COL28A1: variants seen among roughly 807,000 people sequenced by gnomAD.
The protein encoded by COL28A1 is collagen alpha-1(XXVIII) chain.
In COL28A1, 161 loss-of-function variants were observed where a neutral mutation model predicts 150.2. That is an observed-to-expected ratio of 1.07 (90% CI 0.94 to 1.22). The LOEUF is 1.22. Ranked by LOEUF, COL28A1 falls within the 50% of genes most tolerant of loss-of-function variation. COL28A1 has a pLI of 0.00. For missense variants in COL28A1, 1,617 were observed against 1,388.3 expected (o/e 1.16, Z -2.62); for synonymous variants, 552 against 469.7 (o/e 1.18, Z -2.26).
rs139415786 is a variant in COL28A1 at position 7,380,767 on chromosome 7, T to C, written c.2286+15A>G. 226 of 1,613,226 alleles carry C rather than the reference T, an allele frequency of 1.4e-4. 1 individual carries two copies. In the East Asian group the frequency reaches 4.9e-3, roughly 35 times the overall value. On this transcript the variant is annotated intron_variant, in intron 29 of 34. Coordinates refer to ENST00000399429, the MANE Select transcript of COL28A1 (RefSeq NM_001037763.3). ...TAGAGTATAAAATCACAGTGAGACA[T>C]TAAAAACTACTTGCCTGTTTTCCTG...
chr7:7,523,135 C>G (rs1275839436), intron 4 of COL28A1, among the ~76,000 whole-genome samples: 2 of 150,098 alleles, frequency 1.3e-5, no homozygotes, highest in African/African-American at 4.9e-5. Flanking sequence ...CATAGATAAG[C>G]TAGCAAGGGT....
upstream of COL28A1, among the ~76,000 whole-genome samples, chr7:7,536,053 T>A (rs1335348480): frequency 6.6e-6 from 1 of 152,198 alleles, no homozygotes; most frequent in Non-Finnish European, 1.5e-5. Context: ...TTGAGAGAAC[T>A]TTCTACATTT....
chr7:7,358,661 T>A lies in COL28A1; in HGVS notation c.3350A>T (p.Glu1117Val). The change falls in exon 35 of 35, where the codon GAA becomes GTA. Residue 1117 changes from glutamate to valine, a missense_variant. By Grantham distance (121) the Glu-to-Val change is moderately radical (BLOSUM62 -2). Transcript: ENST00000399429. ...TCCTTGAATGCAGGTTTCTTGACATTCCTTTTCACTGTTGAATCTATTTCC... is the reference window on the plus strand; with the variant it reads ...TCCTTGAATGCAGGTTTCTTGACATACCTTTTCACTGTTGAATCTATTTCC... ...GSGNRFNSEK[E>V]CQETCIQG 1 of 1,614,002 alleles carries A rather than the reference T, an allele frequency of 6.2e-7. No individual in the cohort carries two copies. The highest frequency in any genetic ancestry group is 8.5e-7 in the Non-Finnish European group (1 of 1,179,944).
At chr7:7,506,099 T>C (rs376812924) in intron 10 of COL28A1, 32 bp from the exon 11 acceptor site, 17 of 1,092,512 alleles carry the variant, frequency 1.6e-5, no homozygotes, top group East Asian at 2.3e-5. Flanking sequence ...GAATTAGTTC[T>C]GTGTACAAAA....
chr7:7,519,335 T>A (rs2115187068), intron 6 of COL28A1, among the ~76,000 whole-genome samples: 1 of 152,302 alleles, frequency 6.6e-6, no homozygotes, highest in African/African-American at 2.4e-5. Context: ...CACCAGTCTC[T>A]CCCACCACAT....
chr7:7,460,292 TCTGATTTTAAC>T (rs1421371651), intron 15 of COL28A1, among the ~76,000 whole-genome samples: 3 of 152,214 alleles, frequency 2.0e-5, no homozygotes, highest in Non-Finnish European at 4.4e-5. Flanking sequence ...AAATGAGTTT[TCTGATTTTAAC>T]CTGATTTTAA....
At chr7:7,486,302 C>A (rs77630424) in intron 13 of COL28A1, among the ~76,000 whole-genome samples, 1 of 151,998 alleles carries the variant, frequency 6.6e-6, no homozygotes, top group African/African-American at 2.4e-5. Flanking sequence ...TACCCTGTGA[C>A]CTTGCTGAAC....
chr7:7,488,924 C>T (rs1258436114), intron 13 of COL28A1, among the ~76,000 whole-genome samples: 1 of 152,116 alleles, frequency 6.6e-6, no homozygotes, highest in African/African-American at 2.4e-5. Flanking sequence ...TACACATATA[C>T]ATATATACAT....
Position 7,381,566 on chromosome 7 carries a change from C to T in COL28A1, c.2183G>A (p.Gly728Asp), listed in dbSNP as rs1353771596. ...TACCTTCTGGCCTGGGAGGCCATGG[C>T]CCATTGTGCCCTTTGGGCCTGGGAA... Reference protein sequence around the residue: ...QGFPGPKGTMGHGLPGQKGEH... With the variant: ...QGFPGPKGTMDHGLPGQKGEH... Residue 728 changes from glycine (G) to aspartate (D), a missense_variant, in exon 28 of 35, where the codon GGC (glycine) becomes GAC (aspartate). By Grantham distance (94) the Gly-to-Asp change is moderately conservative. Coordinates refer to ENST00000399429, the MANE Select transcript of COL28A1 (RefSeq NM_001037763.3). 8.7e-6 allele frequency: 14 copies of T among 1,613,750 alleles called. No individual in the cohort carries two copies. The highest frequency in any genetic ancestry group is 1.1e-5 in the Non-Finnish European group (13 of 1,179,656).
Position 7,377,807 on chromosome 7 carries a change from C to A in COL28A1, c.2323-2310G>T, listed in dbSNP as rs1345390044. On this transcript the variant is annotated intron_variant, in intron 30 of 34. Coordinates refer to ENST00000399429, the MANE Select transcript of COL28A1 (RefSeq NM_001037763.3). ...GTTTGAGGTTCCTCAATAATTCACG[C>A]AAAAAAAAAAAAAAAACCAGACATC... is the stretch of plus-strand genomic sequence containing the variant. Among the ~76,000 whole-genome samples the A allele has an allele frequency of 3.6e-3, 459 of 126,124 alleles. 1 individual carries two copies. The highest frequency in any genetic ancestry group is 4.0e-3 in the Admixed American group (49 of 12,196). The allele number at this position is 126,124 out of a possible 152,430, so 82.7% of individuals were successfully genotyped here.
At chr7:7,443,476 C>A in intron 20 of COL28A1, 109 bp downstream of exon 20, 1 of 1,508,518 alleles carries the variant, frequency 6.6e-7, no homozygotes, top group Non-Finnish European at 8.9e-7. Flanking sequence ...TTAAGCCAGA[C>A]ATAAACACAT....
At chr7:7,453,610 T>C in intron 16 of COL28A1, 102 bp from the exon 17 acceptor site, 1 of 690,640 alleles carries the variant, frequency 1.4e-6, no homozygotes, top group Non-Finnish European at 2.5e-6. Context: ...TTACTTACAC[T>C]CAATAAGCAT....
intron 33 of COL28A1, among the ~76,000 whole-genome samples, chr7:7,365,047 A>G (rs113487434): frequency 1.3e-3 from 191 of 152,282 alleles, no homozygotes; most frequent in African/African-American, 3.6e-3. Flanking sequence ...ATGACTTCCA[A>G]CTCTAAAAGT....
intron 22 of COL28A1, 152 bp from the exon 23 acceptor site, chr7:7,436,615 C>T: frequency 1.7e-6 from 1 of 605,710 alleles, no homozygotes; most frequent in Non-Finnish European, 2.9e-6. Flanking sequence ...TTTGAGGGGA[C>T]TTTCAAATCC....
rs760744467 is a variant in COL28A1, at chr7:7,419,890, GC to G, written c.2061del (p.Pro688GlnfsTer84). On this transcript the variant is annotated frameshift_variant, in exon 26 of 35. Coordinates refer to ENST00000399429, the MANE Select transcript of COL28A1 (RefSeq NM_001037763.3). LOFTEE classifies it high-confidence loss of function. ...PSGPRGVGTQ[G>X]PKGDTGQKGL... is the part of the protein sequence containing the mutation. The stretch of plus-strand genomic sequence containing the variant: ...GCACTGAGCTGAGGACTCACCTTTG[GC>G]CCTTGGGTTCCTACGCCCCGAGGCC... The G allele has an allele frequency of 6.3e-7, 1 of 1,596,728 alleles. No individual in the cohort carries two copies. Among genetic ancestry groups the G allele is most frequent in the South Asian group, 1.1e-5 (1 of 87,998 alleles).
In COL28A1 at chr7:7,490,591, T is replaced by C. The variant is rs757811778; in HGVS notation, c.1082A>G (p.Gln361Arg). 2 of 1,340,546 alleles carry C rather than the reference T, an allele frequency of 1.5e-6. No homozygotes were observed. Among genetic ancestry groups the C allele is most frequent in the East Asian group, 2.3e-5 (1 of 43,634 alleles). The allele number at this position is 1,340,546 out of a possible 1,614,324, so 83.0% of individuals were successfully genotyped here. A position where few individuals can be genotyped will look rare whatever the true frequency, so the allele number is the denominator to read the frequency against. Residue 361 changes from glutamine (Q) to arginine (R), a missense_variant, in exon 12 of 35, where the codon CAG becomes CGG. By Grantham distance (43) the Gln-to-Arg change is conservative. Transcript: ENST00000399429. ...YGSPGAPGIGQQGIKGERGQE... is the reference protein window; with the variant it reads ...YGSPGAPGIGRQGIKGERGQE... ...AAGTATCTTTACCTTAATACCTTGC[T>C]GTCCAATTCCAGGAGCTCCTGGAGA...
At chr7:7,357,273 C>T (rs558587355), downstream of COL28A1, among the ~76,000 whole-genome samples, 34 of 152,258 alleles carry the variant, frequency 2.2e-4, no homozygotes, top group African/African-American at 7.2e-4. Context: ...TGTTCTCAAA[C>T]TCCTGACCTC....
chr7:7,442,636 TTAG>T (rs1263013042), intron 20 of COL28A1, among the ~76,000 whole-genome samples: 1 of 152,210 alleles, frequency 6.6e-6, no homozygotes, highest in Non-Finnish European at 1.5e-5. Flanking sequence ...AATTACTATT[TTAG>T]TAGAATTATG....
At chr7:7,478,595 G>A (rs1001940243) in intron 13 of COL28A1, among the ~76,000 whole-genome samples, 3 of 152,252 alleles carry the variant, frequency 2.0e-5, no homozygotes, top group African/African-American at 7.2e-5. Flanking sequence ...TGGAGCAGGG[G>A]CCGTGCTCCT....
Sources: allele counts gnomAD v4.1 joint callset (sites outside exome capture counted in the v4.1 genomes callset), GRCh38; gene constraint gnomAD v4.1.1; transcripts MANE v1.5; gene names NCBI Gene and HGNC (gene_info 2026-07-23, HGNC 2026-07-21).